Variants in TMEM91 observed in about 807,000 individuals in gnomAD.
TMEM91 encodes the protein transmembrane protein 91, also known as dispanin subfamily C member 3.
A neutral mutation model predicts 13.3 loss-of-function variants in TMEM91; 6 were observed. The observed-to-expected ratio is 0.45, with a 90% CI of 0.25 to 0.89. The LOEUF (loss-of-function observed/expected upper bound fraction) is 0.89. TMEM91 is among the 40% of genes least tolerant of loss of function. The pLI is 0.19. For synonymous variants in TMEM91, 87 were observed against 101.7 expected (o/e 0.86, Z 0.87); for missense variants, 193 against 228.7 (o/e 0.84, Z 1.01).
chr19:41,379,283 T>C (rs2038812691), intron 2 of TMEM91, among the ~76,000 whole-genome samples: 1 of 150,578 alleles, frequency 6.6e-6, no homozygotes. Flanking sequence ...AGTTCTAGGC[T>C]AGCCTGGGCA....
At chr19:41,375,297 T>C (rs112028776), upstream of TMEM91, among the ~76,000 whole-genome samples, 1,153 of 112,536 alleles carry the variant, frequency 0.01, 1 homozygote, top group Middle Eastern at 0.01. Flanking sequence ...TTTTTTTTTT[T>C]TGAGACGGAG....
intron 1 of TMEM91, among the ~76,000 whole-genome samples, chr19:41,364,700 A>C (rs981652615): frequency 1.3e-5 from 2 of 152,028 alleles, no homozygotes; most frequent in African/African-American, 4.8e-5. Context: ...GTTCACTGTT[A>C]CTGCTTGATT....
chr19:41,374,952 C>G (rs2038683118), upstream of TMEM91, among the ~76,000 whole-genome samples: 1 of 152,110 alleles, frequency 6.6e-6, no homozygotes, highest in Admixed American at 6.6e-5. Context: ...CATTGCCCTC[C>G]AGCCTGGGCA....
At chr19:41,372,230 C>T (rs2038635999), upstream of TMEM91, among the ~76,000 whole-genome samples, 2 of 152,132 alleles carry the variant, frequency 1.3e-5, no homozygotes, top group Middle Eastern at 3.4e-3. Context: ...GCCTGTAATC[C>T]CAGCTACTCG....
upstream of TMEM91, among the ~76,000 whole-genome samples, chr19:41,373,292 C>T (rs2038653487): frequency 6.6e-6 from 1 of 151,978 alleles, no homozygotes; most frequent in Admixed American, 6.6e-5. Context: ...GAGGTGTAGC[C>T]TCTTAGACTG....
intron 2 of TMEM91, 81 bp from the exon 3 acceptor site, chr19:41,382,691 C>T: frequency 6.5e-7 from 1 of 1,528,770 alleles, no homozygotes; most frequent in Non-Finnish European, 8.8e-7. Flanking sequence ...CAGGTATTGG[C>T]CTTTGAGGGC....
chr19:41,369,484 C>A (rs1342814432), intron 1 of TMEM91, among the ~76,000 whole-genome samples: 1 of 136,974 alleles, frequency 7.3e-6, no homozygotes, highest in Non-Finnish European at 1.6e-5. Context: ...CCAGCCTGGG[C>A]AACAAAGTAA....
At position 41,378,367 on chromosome 19, in the gene TMEM91, G is replaced by T. The variant is rs200961973; in HGVS notation, c.58G>T (p.Glu20Ter). 6.8e-6 allele frequency: 11 copies of T among 1,614,198 alleles called. No individual in the cohort carries two copies. In the Admixed American group the frequency reaches 8.3e-5, roughly 12 times the overall value. The part of the protein sequence containing the change: ...QQPLLEGTEC[E>*]TPAQKPGRHE... ...GCCTCTGCTGGAGGGCACAGAATGT[G>T]AGACCCCTGCCCAGAAGCCTGGCAG... Residue 20 changes from glutamate to a stop codon, truncating the protein, a stop_gained, in exon 2 of 4, where the codon GAG becomes TAG. Transcript: ENST00000392002. LOFTEE classifies it high-confidence loss of function.
intron 1 of TMEM91, chr19:41,377,333 T>C (rs2038745040): frequency 6.6e-6 from 1 of 152,602 alleles, no homozygotes; most frequent in Admixed American, 6.6e-5. Flanking sequence ...TGTAAGAAGG[T>C]TGGGGACCTG....
intron 1 of TMEM91, among the ~76,000 whole-genome samples, chr19:41,366,915 A>G (rs2038536725): frequency 6.6e-6 from 1 of 152,092 alleles, no homozygotes; most frequent in African/African-American, 2.4e-5. Context: ...AGGAGAGTGG[A>G]TACCCTGAGG....
chr19:41,369,213 T>A (rs1426055804), intron 1 of TMEM91, among the ~76,000 whole-genome samples: 1 of 152,128 alleles, frequency 6.6e-6, no homozygotes, highest in East Asian at 1.9e-4. Flanking sequence ...GTTTCACTCT[T>A]GTTGCCCAGG....
Position 41,383,725 on chromosome 19 carries a change from CT to C in TMEM91, c.373del (p.Trp125GlyfsTer36). 3.7e-6 allele frequency: 6 copies of C among 1,610,644 alleles called. No individual in the cohort carries two copies. Among genetic ancestry groups the C allele is most frequent in the Non-Finnish European group, 5.1e-6 (6 of 1,177,990 alleles). On this transcript the variant is annotated frameshift_variant, in exon 4 of 4. Coordinates refer to ENST00000392002, the MANE Select transcript of TMEM91 (RefSeq NM_001098821.2). LOFTEE classifies it high-confidence loss of function. ...AFCLAQKTNK[A>X]WAKGDIQGAG... ...CCACTGCCTCTACAGACCAACAAGGCTTGGGCCAAGGGGGACATCCAGGGGG... is the reference window on the plus strand; with the variant it reads ...CCACTGCCTCTACAGACCAACAAGGCTGGGCCAAGGGGGACATCCAGGGGG...
upstream of TMEM91, among the ~76,000 whole-genome samples, chr19:41,372,255 A>G (rs954920138): frequency 3.3e-5 from 5 of 152,086 alleles, no homozygotes; most frequent in Non-Finnish European, 7.4e-5. Context: ...CTGAGGTAGG[A>G]GAATCACTTG....
chr19:41,379,269 C>T (rs558829167), intron 2 of TMEM91, among the ~76,000 whole-genome samples: 27 of 150,354 alleles, frequency 1.8e-4, no homozygotes, highest in African/African-American at 6.1e-4. Flanking sequence ...CTGCCTCGCC[C>T]AGGAGTTCTA....
chr19:41,367,090 G>A (rs760343780), intron 1 of TMEM91, among the ~76,000 whole-genome samples: 2 of 152,044 alleles, frequency 1.3e-5, no homozygotes, highest in African/African-American at 4.8e-5. Context: ...GCAGTGAGCC[G>A]AGATCACGCC....
intron 2 of TMEM91, among the ~76,000 whole-genome samples, chr19:41,381,928 C>T (rs935131894): frequency 6.6e-5 from 10 of 152,004 alleles, no homozygotes; most frequent in African/African-American, 1.9e-4. Context: ...TGCTGTGGCT[C>T]GATCTCAGCT....
chr19:41,379,888 CTTTTTTT>C (rs59525203), intron 2 of TMEM91, among the ~76,000 whole-genome samples: 1 of 75,136 alleles, frequency 1.3e-5, no homozygotes, highest in Admixed American at 1.5e-4. Flanking sequence ...TTAGGGCTTC[CTTTTTTT>C]TTTTTTTTTT....
intron 1 of TMEM91, among the ~76,000 whole-genome samples, chr19:41,370,361 G>A (rs1365600693): frequency 6.6e-6 from 1 of 150,772 alleles, no homozygotes; most frequent in Non-Finnish European, 1.5e-5. Context: ...ATAGGCGTGA[G>A]CCACTGTGCC....
rs928365672 is a variant in TMEM91 at position 41,383,064 on chromosome 19, G to A, written c.360+143G>A. On this transcript the variant is annotated intron_variant, in intron 3 of 3. Coordinates refer to ENST00000392002, the MANE Select transcript of TMEM91 (RefSeq NM_001098821.2). ...TCAAATCCTGAGTCTGCCACTCTCTGCAAGATTTTTTTTGAGTCTCACTTT... is the reference window on the plus strand; with the variant it reads ...TCAAATCCTGAGTCTGCCACTCTCTACAAGATTTTTTTTGAGTCTCACTTT... 6 of 1,268,832 alleles carry A rather than the reference G, an allele frequency of 4.7e-6. No individual in the cohort carries two copies. The African/African-American group carries it at 9.0e-5, about 19-fold the overall frequency. 78.6% of individuals were successfully genotyped at this position (1,268,832 alleles called of 1,614,324 possible).
Sources: gnomAD v4.1 joint callset for allele counts (sites outside exome capture counted in the v4.1 genomes callset) on GRCh38, gnomAD v4.1.1 for gene constraint, MANE v1.5 for transcripts, NCBI Gene and HGNC (gene_info 2026-07-23, HGNC 2026-07-21) for gene names.